Variants in GRIN2B observed in about 807,000 individuals in gnomAD.
GRIN2B encodes glutamate receptor ionotropic, NMDA 2B.
GRIN2B carries 5 observed loss-of-function variants against 114.5 expected under a neutral mutation model. The ratio of observed to expected loss-of-function variants is 0.04; its 90% CI spans 0.02 to 0.09. The LOEUF (loss-of-function observed/expected upper bound fraction) is 0.09. Ranked by LOEUF, GRIN2B falls within the 10% of genes least tolerant of loss-of-function variation. The pLI, the probability that GRIN2B is intolerant of heterozygous loss-of-function variation, is 1.00. For synonymous variants in GRIN2B, 787 were observed against 745.1 expected, an observed-to-expected ratio of 1.06 and a Z score of -0.92; for missense variants, 1,108 against 1,943.5, an observed-to-expected ratio of 0.57 and a Z score of 8.08.
At chr12:13,728,764 G>C (rs988977633) in intron 4 of GRIN2B, among the ~76,000 whole-genome samples, 1 of 152,190 alleles carries the variant, frequency 6.6e-6, no homozygotes, top group Admixed American at 6.5e-5. Flanking sequence ...TGGATGCACA[G>C]AGGGAGTATA....
At chr12:13,651,491 A>G (rs1383217108) in intron 5 of GRIN2B, among the ~76,000 whole-genome samples, 2 of 152,156 alleles carry the variant, frequency 1.3e-5, no homozygotes, top group Non-Finnish European at 2.9e-5. Context: ...CTACCTTTAT[A>G]TTCAGCATAA....
chr12:13,771,235 C>A lies in GRIN2B; in HGVS notation c.412-17320G>T, dbSNP rs554955686. On this transcript the variant is annotated intron_variant, in intron 3 of 13. Coordinates refer to ENST00000609686, the MANE Select transcript of GRIN2B (RefSeq NM_000834.5). ...TAAGACATGCCTTGCTTCCCCTTCA[C>A]CTTCTGCCATGATTGTGAGGCCTCC... Among the ~76,000 whole-genome samples the A allele has an allele frequency of 1.1e-4, 16 of 152,322 alleles. No individual in the cohort carries two copies. In the South Asian group the frequency reaches 2.9e-3, roughly 28 times the overall value.
At chr12:13,882,634 T>C (rs1866088728) in intron 2 of GRIN2B, among the ~76,000 whole-genome samples, 1 of 152,098 alleles carries the variant, frequency 6.6e-6, no homozygotes, top group African/African-American at 2.4e-5. Flanking sequence ...ATGAAAGCAG[T>C]TTAAAAGTTG....
intron 2 of GRIN2B, among the ~76,000 whole-genome samples, chr12:13,941,421 T>A (rs1237735198): frequency 6.6e-6 from 1 of 152,124 alleles, no homozygotes; most frequent in Non-Finnish European, 1.5e-5. Flanking sequence ...GCTGTGAAGA[T>A]GGACAAAGGG....
intron 10 of GRIN2B, among the ~76,000 whole-genome samples, chr12:13,576,560 T>G (rs1025359402): frequency 1.3e-4 from 20 of 151,124 alleles, no homozygotes; most frequent in South Asian, 2.1e-4. Flanking sequence ...TTTCTTTTTT[T>G]TTTTGAAACA....
intron 5 of GRIN2B, among the ~76,000 whole-genome samples, chr12:13,625,456 G>C (rs1387057522): frequency 6.6e-6 from 1 of 152,182 alleles, no homozygotes; most frequent in Admixed American, 6.5e-5. Flanking sequence ...GTACTGACAA[G>C]CTGTGTGACC....
chr12:13,791,296 A>C (rs1456268282), intron 3 of GRIN2B, among the ~76,000 whole-genome samples: 1 of 151,854 alleles, frequency 6.6e-6, no homozygotes, highest in East Asian at 1.9e-4. Flanking sequence ...CTAAAAATAC[A>C]AAAAAATTAA....
chr12:13,877,259 C>A lies in GRIN2B; in HGVS notation c.-18-11033G>T, dbSNP rs1335240160. ...TTCACCTCAGAGCCAAGGTTTAAAA[C>A]AAGCTTTTGAGACTATACCTCAAAG... On this transcript the variant is annotated intron_variant, in intron 2 of 13. Transcript: ENST00000609686. Among the ~76,000 whole-genome samples the A allele has an allele frequency of 2.0e-5, 3 of 152,176 alleles. No individual in the cohort carries two copies. In the South Asian group the frequency reaches 6.2e-4, roughly 31 times the overall value.
At chr12:13,584,466 ATATT>A (rs1948891547) in intron 10 of GRIN2B, among the ~76,000 whole-genome samples, 2 of 152,222 alleles carry the variant, frequency 1.3e-5, no homozygotes, top group South Asian at 2.1e-4. Context: ...ACATGTGGAT[ATATT>A]TATTATATGA....
chr12:13,750,327 A>G (rs1383381938), intron 4 of GRIN2B, among the ~76,000 whole-genome samples: 1 of 152,212 alleles, frequency 6.6e-6, no homozygotes, highest in Non-Finnish European at 1.5e-5. Flanking sequence ...GGTTAAAACC[A>G]ATTGCGATTT....
chr12:13,862,801 A>G (rs770684944), intron 3 of GRIN2B, among the ~76,000 whole-genome samples: 68 of 152,240 alleles, frequency 4.5e-4, no homozygotes, highest in Middle Eastern at 6.8e-3. Context: ...TAAGCCCCCA[A>G]ACATTCCTCT....
chr12:13,946,102 T>C (rs1867358288), intron 2 of GRIN2B, among the ~76,000 whole-genome samples: 2 of 152,160 alleles, frequency 1.3e-5, no homozygotes, highest in Non-Finnish European at 2.9e-5. Flanking sequence ...GTGTTGAAGT[T>C]AGTATAAATA....
intron 3 of GRIN2B, among the ~76,000 whole-genome samples, chr12:13,763,364 T>G (rs528522202): frequency 1.3e-5 from 2 of 152,268 alleles, no homozygotes; most frequent in African/African-American, 4.8e-5. Context: ...GCCTGTCTTT[T>G]CGTGTGCCTC....
At chr12:13,674,687 A>G (rs555407338) in intron 5 of GRIN2B, among the ~76,000 whole-genome samples, 5 of 152,288 alleles carry the variant, frequency 3.3e-5, no homozygotes, top group South Asian at 4.1e-4. Context: ...TTCTCAGCCA[A>G]TTGGTCCATG....
At chr12:13,793,248 C>T (rs1864351643) in intron 3 of GRIN2B, among the ~76,000 whole-genome samples, 1 of 152,154 alleles carries the variant, frequency 6.6e-6, no homozygotes, top group Non-Finnish European at 1.5e-5. Flanking sequence ...TGGTGAAACC[C>T]AGTCTCTACT....
intron 2 of GRIN2B, among the ~76,000 whole-genome samples, chr12:13,962,553 C>T (rs182446504): frequency 1.3e-3 from 198 of 152,358 alleles, no homozygotes; most frequent in Non-Finnish European, 1.6e-3. Flanking sequence ...GAATGCTTGA[C>T]ATTCTGTGAA....
intron 2 of GRIN2B, among the ~76,000 whole-genome samples, chr12:13,874,030 T>C (rs948431831): frequency 1.3e-5 from 2 of 152,186 alleles, no homozygotes; most frequent in African/African-American, 4.8e-5. Flanking sequence ...CAACAAGTCC[T>C]CTTACATAAT....
intron 3 of GRIN2B, among the ~76,000 whole-genome samples, chr12:13,840,205 C>T (rs1281599772): frequency 2.0e-5 from 3 of 152,164 alleles, no homozygotes; most frequent in Non-Finnish European, 4.4e-5. Context: ...ATCACTGGGG[C>T]CAACTTCACT....
At chr12:13,611,974 A>G in intron 8 of GRIN2B, 124 bp from the exon 9 acceptor site, 2 of 929,596 alleles carry the variant, frequency 2.2e-6, no homozygotes, top group East Asian at 5.0e-5. Flanking sequence ...GTCTGCCTTC[A>G]GGAAGCCAGG....
Sources: gnomAD v4.1 joint callset for allele counts (sites outside exome capture counted in the v4.1 genomes callset) on GRCh38, gnomAD v4.1.1 for gene constraint, MANE v1.5 for transcripts, NCBI Gene and HGNC (gene_info 2026-07-23, HGNC 2026-07-21) for gene names.